Variants in SLAIN1 observed in about 807,000 individuals in gnomAD.
SLAIN1 encodes the protein SLAIN motif-containing protein 1.
Under a neutral mutation model 55.4 loss-of-function variants are expected in SLAIN1, and 17 were observed. The ratio of observed to expected loss-of-function variants is 0.31; its 90% confidence interval spans 0.21 to 0.46. The LOEUF (loss-of-function observed/expected upper bound fraction) is 0.46, where lower values mean the gene tolerates loss of function less well. Among genes scored for constraint, SLAIN1 ranks in the 20% least tolerant of loss-of-function variants. The pLI is 1.00. For missense variants in SLAIN1, 682 were observed against 785.1 expected (o/e 0.87, Z 1.57); for synonymous variants, 348 against 337.4 (o/e 1.03, Z -0.35).
At chr13:77,736,557 AAAC>A (rs1259342634) in intron 2 of SLAIN1, among the ~76,000 whole-genome samples, 5 of 152,008 alleles carry the variant, frequency 3.3e-5, no homozygotes, top group African/African-American at 1.2e-4. Flanking sequence ...AACAACAACA[AAAC>A]AACAACAAAA....
At chr13:77,714,880 T>C (rs1311154952) in intron 1 of SLAIN1, among the ~76,000 whole-genome samples, 1 of 152,082 alleles carries the variant, frequency 6.6e-6, no homozygotes, top group Non-Finnish European at 1.5e-5. Context: ...CAACCCCTGA[T>C]CTGTTTTCTG....
chr13:77,707,272 T>C (rs2091099432), intron 1 of SLAIN1, among the ~76,000 whole-genome samples: 1 of 152,138 alleles, frequency 6.6e-6, no homozygotes, highest in Admixed American at 6.6e-5. Context: ...CCAAACTCAT[T>C]TACTGACTCT....
At chr13:77,727,691 T>A (rs943461790) in intron 2 of SLAIN1, among the ~76,000 whole-genome samples, 3 of 152,190 alleles carry the variant, frequency 2.0e-5, no homozygotes, top group African/African-American at 7.2e-5. Flanking sequence ...GTGGAAGTTT[T>A]CACCTTAATA....
At chr13:77,710,371 G>T (rs1035769338) in intron 1 of SLAIN1, among the ~76,000 whole-genome samples, 1 of 151,936 alleles carries the variant, frequency 6.6e-6, no homozygotes, top group Non-Finnish European at 1.5e-5. Context: ...TCAAAATAAA[G>T]GGATGGAGGA....
intron 2 of SLAIN1, among the ~76,000 whole-genome samples, chr13:77,722,449 A>C (rs369408176): frequency 2.0e-5 from 3 of 152,172 alleles, no homozygotes; most frequent in African/African-American, 7.2e-5. Flanking sequence ...CCAATCTCTC[A>C]TGCCCTTTTT....
intron 1 of SLAIN1, chr13:77,699,170 C>G: frequency 9.8e-7 from 1 of 1,015,992 alleles, no homozygotes; most frequent in Admixed American, 2.3e-5. Context: ...ACCTCACTGG[C>G]TTTCCCATAA....
intron 2 of SLAIN1, among the ~76,000 whole-genome samples, chr13:77,735,100 T>TA (rs34441468): frequency 0.012 from 1,821 of 152,242 alleles, 33 homozygotes; most frequent in East Asian, 0.018. Context: ...AACATTTCAT[T>TA]AAAAAAAGTA....
chr13:77,745,366 G>A (rs1873745252), intron 3 of SLAIN1, among the ~76,000 whole-genome samples: 1 of 151,978 alleles, frequency 6.6e-6, no homozygotes, highest in African/African-American at 2.4e-5. Flanking sequence ...TGGGCAAAGT[G>A]TACAGTTTTG....
intron 1 of SLAIN1, among the ~76,000 whole-genome samples, chr13:77,699,563 A>G (rs2091010990): frequency 6.6e-6 from 1 of 152,102 alleles, no homozygotes; most frequent in Non-Finnish European, 1.5e-5. Flanking sequence ...GCATGATTGC[A>G]TGGAAGGGAT....
At chr13:77,735,920 TTTCCTCTTAATTATGGTAAA>T (rs1378151093) in intron 2 of SLAIN1, among the ~76,000 whole-genome samples, 4 of 152,098 alleles carry the variant, frequency 2.6e-5, no homozygotes, top group Non-Finnish European at 5.9e-5. Flanking sequence ...TGGTTTTTTT[TTTCCTCTTAATTATGGTAAA>T]TTCCTCTTAA....
intron 1 of SLAIN1, among the ~76,000 whole-genome samples, chr13:77,717,393 G>A (rs1197186018): frequency 1.3e-5 from 2 of 152,090 alleles, no homozygotes; most frequent in Admixed American, 6.6e-5. Flanking sequence ...AAGAACTGAT[G>A]TTTTCTTTAA....
intron 1 of SLAIN1, among the ~76,000 whole-genome samples, chr13:77,706,462 C>T (rs1184228259): frequency 2.6e-5 from 4 of 152,010 alleles, no homozygotes; most frequent in Admixed American, 6.6e-5. Context: ...CCATAAAATC[C>T]CTCATTAAGG....
At chr13:77,742,588 T>TA (rs1425271873) in intron 2 of SLAIN1, among the ~76,000 whole-genome samples, 25 of 151,888 alleles carry the variant, frequency 1.6e-4, no homozygotes, top group Non-Finnish European at 1.9e-4. Flanking sequence ...TAGAATTACA[T>TA]ATAGTTAATA....
At chr13:77,744,565 A>G in intron 3 of SLAIN1, 133 bp downstream of exon 3, 2 of 1,410,018 alleles carry the variant, frequency 1.4e-6, no homozygotes, top group African/African-American at 1.4e-5. Flanking sequence ...CCTACTTTTT[A>G]GGTGGAGCCA....
rs538296079 is a variant in SLAIN1 at position 77,722,072 on chromosome 13, G to A, written c.766+2401G>A. 4.6e-5 allele frequency among the ~76,000 whole-genome samples: 7 copies of A among 151,228 alleles called. No individual in the cohort carries two copies. In the East Asian group the frequency reaches 1.4e-3, roughly 29 times the overall value. ...TATTAGACTAAGTGCTTCATTATCC[G>A]ATTTTCCTTTCATTGATGTGGAGCT... On this transcript the variant is annotated intron_variant, in intron 2 of 6. Coordinates refer to ENST00000418532, the MANE Select transcript of SLAIN1 (RefSeq NM_001242868.2).
At chr13:77,758,992 A>G (rs1003553986) in intron 5 of SLAIN1, among the ~76,000 whole-genome samples, 29 of 152,174 alleles carry the variant, frequency 1.9e-4, no homozygotes, top group African/African-American at 6.5e-4. Context: ...GTATTTTGAT[A>G]GAATTGCATT....
chr13:77,741,022 A>T, intron 2 of SLAIN1: 1 of 292,496 alleles, frequency 3.4e-6, no homozygotes, highest in Non-Finnish European at 5.1e-6. Flanking sequence ...CCTAGTTGGG[A>T]TCTTGCTGTC....
At chr13:77,719,499 A>G (rs1219096901) in intron 1 of SLAIN1, 33 bp from the exon 2 acceptor site, 17 of 1,557,274 alleles carry the variant, frequency 1.1e-5, no homozygotes, top group Non-Finnish European at 1.5e-5. Context: ...GTATACCTAT[A>G]TCATACCTAT....
At chr13:77,727,681 G>A (rs1389864106) in intron 2 of SLAIN1, among the ~76,000 whole-genome samples, 1 of 152,130 alleles carries the variant, frequency 6.6e-6, no homozygotes, top group Non-Finnish European at 1.5e-5. Flanking sequence ...AGTGAATATG[G>A]TGGAAGTTTT....
Sources: gnomAD v4.1 joint callset for allele counts (sites outside exome capture counted in the v4.1 genomes callset) on GRCh38, gnomAD v4.1.1 for gene constraint, MANE v1.5 for transcripts, NCBI Gene and HGNC (gene_info 2026-07-23, HGNC 2026-07-21) for gene names.